MICAL2: variants seen among roughly 807,000 people sequenced by gnomAD.
MICAL2 encodes the protein [F-actin]-monooxygenase MICAL2.
Under a neutral mutation model 127.3 loss-of-function variants are expected in MICAL2, and 77 were observed. The ratio of observed to expected loss-of-function variants is 0.60; its 90% CI spans 0.50 to 0.73. MICAL2 has a LOEUF of 0.73. Among genes scored for constraint, MICAL2 ranks in the 30% least tolerant of loss-of-function variants. MICAL2 has a pLI of 0.00. For missense variants in MICAL2, 1,351 were observed against 1,434.4 expected (o/e 0.94, Z 0.94); for synonymous variants, 570 against 551.1 (o/e 1.03, Z -0.48).
rs1854944725 is a variant in MICAL2, at chr11:12,162,531, A to G, written c.264+112A>G. ...CTACGGTTCTTAGGTGTGGGTGTGA[A>G]TGTTGCATTGTTTTCCTCCGGTAAA... is the stretch of plus-strand genomic sequence containing the variant. On this transcript the variant is annotated intron_variant, in intron 3 of 27. Coordinates refer to ENST00000683283, the MANE Select transcript of MICAL2 (RefSeq NM_001282663.2). 3 of 1,306,266 alleles carry G rather than the reference A, an allele frequency of 2.3e-6. No homozygotes were observed. In the South Asian group the frequency reaches 4.4e-5, roughly 19 times the overall value. The allele number at this position is 1,306,266 out of a possible 1,614,324, so 80.9% of individuals were successfully genotyped here.
chr11:12,174,937 A>G (rs912496332), intron 3 of MICAL2, among the ~76,000 whole-genome samples: 2 of 152,156 alleles, frequency 1.3e-5, no homozygotes, highest in Admixed American at 6.5e-5. Context: ...CCTGGACAAC[A>G]TGGCAAAATG....
downstream of MICAL2, among the ~76,000 whole-genome samples, chr11:12,266,617 A>G (rs1404125224): frequency 6.6e-6 from 1 of 152,206 alleles, no homozygotes; most frequent in Non-Finnish European, 1.5e-5. Context: ...TACTGATGTT[A>G]AAGAAGCTCC....
chr11:12,255,451 T>C, intron 22 of MICAL2, 192 bp from the exon 23 acceptor site: 1 of 587,624 alleles, frequency 1.7e-6, no homozygotes, highest in South Asian at 2.0e-5. Flanking sequence ...CAGGGTTTTA[T>C]TTATTTTCTT....
At chr11:12,193,369 T>C (rs911096882) in intron 3 of MICAL2, among the ~76,000 whole-genome samples, 1 of 152,166 alleles carries the variant, frequency 6.6e-6, no homozygotes, top group Non-Finnish European at 1.5e-5. Flanking sequence ...TTGTTGACCT[T>C]AGAGCAATAG....
intron 2 of MICAL2, among the ~76,000 whole-genome samples, chr11:12,155,776 G>A (rs981246854): frequency 3.3e-5 from 5 of 152,246 alleles, no homozygotes; most frequent in African/African-American, 1.2e-4. Flanking sequence ...TAACACTGGT[G>A]AGAGTGCCTG....
intron 32 of MICAL2, among the ~76,000 whole-genome samples, chr11:12,346,366 A>G (rs1280930783): frequency 1.3e-5 from 2 of 152,230 alleles, no homozygotes; most frequent in Non-Finnish European, 2.9e-5. Context: ...GCTGCATGGC[A>G]GATAGAAACT....
chr11:12,247,798 C>T (rs929555094), intron 21 of MICAL2, among the ~76,000 whole-genome samples: 9 of 152,234 alleles, frequency 5.9e-5, no homozygotes, highest in Non-Finnish European at 8.8e-5. Flanking sequence ...CAGATTTATT[C>T]TATCCTGGTG....
chr11:12,199,442 C>T (rs1268125214), intron 3 of MICAL2, among the ~76,000 whole-genome samples: 4 of 152,170 alleles, frequency 2.6e-5, no homozygotes. Flanking sequence ...GCACACACAG[C>T]TCTCAAGGAA....
At chr11:12,285,156 G>C (rs759093573) in intron 2 of MICAL2, among the ~76,000 whole-genome samples, 7 of 152,144 alleles carry the variant, frequency 4.6e-5, no homozygotes, top group Non-Finnish European at 1.0e-4. Flanking sequence ...AGTCAAAGCT[G>C]TCCTCTTGCA....
At chr11:12,127,103 G>T (rs538252056) in intron 1 of MICAL2, among the ~76,000 whole-genome samples, 1 of 152,288 alleles carries the variant, frequency 6.6e-6, no homozygotes, top group East Asian at 1.9e-4. Context: ...TTGAGTTGGA[G>T]TGTGTTTAAC....
intron 33 of MICAL2, among the ~76,000 whole-genome samples, chr11:12,354,620 C>G (rs1476030997): frequency 2.0e-5 from 3 of 152,122 alleles, no homozygotes; most frequent in African/African-American, 7.2e-5. Context: ...ACGACAAAGA[C>G]TCGGTCTCAG....
chr11:12,148,420 T>C (rs1853194243), intron 2 of MICAL2, among the ~76,000 whole-genome samples: 1 of 152,080 alleles, frequency 6.6e-6, no homozygotes, highest in Admixed American at 6.5e-5. Context: ...TTTGGATTTG[T>C]ACAAGGGCTG....
intron 3 of MICAL2, among the ~76,000 whole-genome samples, chr11:12,165,099 G>A (rs371387126): frequency 3.6e-4 from 52 of 145,418 alleles, no homozygotes; most frequent in Non-Finnish European, 6.2e-4. Flanking sequence ...AGATCACACC[G>A]CTGCACTCCA....
At chr11:12,123,548 T>C (rs1015626407) in intron 1 of MICAL2, among the ~76,000 whole-genome samples, 1 of 152,170 alleles carries the variant, frequency 6.6e-6, no homozygotes, top group African/African-American at 2.4e-5. Flanking sequence ...TCCTGAAATG[T>C]TTTAGATCAT....
At chr11:12,345,719 C>A (rs570525852) in intron 32 of MICAL2, among the ~76,000 whole-genome samples, 1 of 152,280 alleles carries the variant, frequency 6.6e-6, no homozygotes, top group Admixed American at 6.5e-5. Context: ...GGCCAGAGTT[C>A]ATTTACTGGT....
chr11:12,187,594 G>T (rs1344562760), intron 3 of MICAL2, among the ~76,000 whole-genome samples: 1 of 152,248 alleles, frequency 6.6e-6, no homozygotes, highest in African/African-American at 2.4e-5. Flanking sequence ...ACTTGAGATG[G>T]ACTCAGACGC....
At chr11:12,293,760 C>G, downstream of MICAL2, 2 of 1,613,920 alleles carry the variant, frequency 1.2e-6, no homozygotes, top group Non-Finnish European at 1.7e-6. Context: ...GCAGAGATGA[C>G]TTCTGATGAG....
At chr11:12,196,998 T>C (rs1425051039) in intron 3 of MICAL2, among the ~76,000 whole-genome samples, 1 of 152,228 alleles carries the variant, frequency 6.6e-6, no homozygotes, top group African/African-American at 2.4e-5. Flanking sequence ...CTGAAGTCAC[T>C]AATCTGTTTC....
At chr11:12,116,772 A>T (rs747644327) in intron 1 of MICAL2, 1 of 152,160 alleles carries the variant, frequency 6.6e-6, no homozygotes, top group Non-Finnish European at 1.5e-5. Context: ...TCAGCTGCTC[A>T]TGTCTCAAAT....
Sources: allele counts gnomAD v4.1 joint callset (sites outside exome capture counted in the v4.1 genomes callset), GRCh38; gene constraint gnomAD v4.1.1; transcripts MANE v1.5; gene names NCBI Gene and HGNC (gene_info 2026-07-23, HGNC 2026-07-21).